Variants in PCDHA6 observed in about 807,000 individuals in gnomAD.
The protein encoded by PCDHA6 is protocadherin alpha-6.
PCDHA6 carries 55 observed loss-of-function variants against 60.3 expected under a neutral mutation model. The ratio of observed to expected loss-of-function variants is 0.91; its 90% CI spans 0.73 to 1.14. The LOEUF (loss-of-function observed/expected upper bound fraction) is 1.14, where lower values mean the gene tolerates loss of function less well. PCDHA6 is among the 50% of genes most tolerant of loss of function. The pLI, the probability that PCDHA6 is intolerant of heterozygous loss-of-function variation, is 0.00. For synonymous variants in PCDHA6, 652 were observed against 557.9 expected, an observed-to-expected ratio of 1.17 and a Z score of -2.38; for missense variants, 1,327 against 1,256.5, an observed-to-expected ratio of 1.06 and a Z score of -0.85.
At chr5:140,915,264 G>A (rs536821921) in intron 1 of PCDHA6, among the ~76,000 whole-genome samples, 9 of 151,876 alleles carry the variant, frequency 5.9e-5, no homozygotes, top group Non-Finnish European at 1.3e-4. Context: ...TATTATTTTT[G>A]ACCAGTTCAT....
chr5:140,852,911 C>G lies in PCDHA6; in HGVS notation c.2394+22426C>G, dbSNP rs2150524968. ...TTTTTTTTTTTGAGTCAGAGTCTCG[C>G]TCTGTTGCCCAGGCTGGAGTGCAGT... On this transcript the variant is annotated intron_variant, in intron 1 of 3. Transcript: ENST00000529310. The G allele has an allele frequency of 3.8e-6, 3 of 791,732 alleles. 1 individual carries two copies. The South Asian group carries it at 1.7e-4, about 44-fold the overall frequency. The allele number at this position is 791,732 out of a possible 1,614,324, so 49.0% of individuals were successfully genotyped here. A position where few individuals can be genotyped will look rare whatever the true frequency, so the allele number is the denominator to read the frequency against.
chr5:140,858,188 C>T, intron 1 of PCDHA6: 1 of 1,597,268 alleles, frequency 6.3e-7, no homozygotes, highest in Non-Finnish European at 8.6e-7. Context: ...GCTCACGCTG[C>T]TGCTGTACAC....
At chr5:140,968,920 A>G (rs781931367) in intron 1 of PCDHA6, 1 of 1,614,120 alleles carries the variant, frequency 6.2e-7, no homozygotes, top group Admixed American at 1.7e-5. Flanking sequence ...TGTCTTTTAT[A>G]TTTCTTTTGA....
At chr5:140,937,326 C>G (rs1287239556) in intron 1 of PCDHA6, among the ~76,000 whole-genome samples, 2 of 152,046 alleles carry the variant, frequency 1.3e-5, no homozygotes, top group Non-Finnish European at 2.9e-5. Flanking sequence ...CGTGAGCCAC[C>G]GCGCCCGGCT....
chr5:140,878,537 C>G (rs1554170454), intron 1 of PCDHA6, among the ~76,000 whole-genome samples: 2 of 152,152 alleles, frequency 1.3e-5, no homozygotes, highest in African/African-American at 4.8e-5. Flanking sequence ...GTGGCTCAAA[C>G]CAGTTTCAGA....
At chr5:140,898,930 G>A (rs2067050521) in intron 1 of PCDHA6, among the ~76,000 whole-genome samples, 1 of 152,054 alleles carries the variant, frequency 6.6e-6, no homozygotes, top group African/African-American at 2.4e-5. Context: ...GGATTCCTAA[G>A]TATTTTATTC....
intron 1 of PCDHA6, among the ~76,000 whole-genome samples, chr5:140,855,207 A>G (rs1554147686): frequency 6.7e-6 from 1 of 149,928 alleles, no homozygotes; most frequent in East Asian, 1.9e-4. Flanking sequence ...AATAGTTTCC[A>G]TTTATGAAGC....
intron 3 of PCDHA6, among the ~76,000 whole-genome samples, chr5:140,988,762 C>T (rs546274253): frequency 6.6e-6 from 1 of 152,308 alleles, no homozygotes; most frequent in South Asian, 2.1e-4. Context: ...GGGCAGAATA[C>T]AGTCATGGTT....
chr5:140,884,433 G>T, intron 1 of PCDHA6: 1 of 1,613,908 alleles, frequency 6.2e-7, no homozygotes, highest in Admixed American at 1.7e-5. Context: ...ACTGCGCTGC[G>T]GTGCTCGGCA....
At chr5:140,967,626 G>T in intron 1 of PCDHA6, 2 of 1,614,138 alleles carry the variant, frequency 1.2e-6, no homozygotes, top group Non-Finnish European at 1.7e-6. Flanking sequence ...CCGGATGAGG[G>T]CTCCAATGGT....
chr5:140,869,497 G>C, intron 1 of PCDHA6: 1 of 1,614,202 alleles, frequency 6.2e-7, no homozygotes, highest in South Asian at 1.1e-5. Context: ...CAACCCGCCG[G>C]TGTTCTCGCT....
chr5:140,982,264 TG>T, intron 2 of PCDHA6: 1 of 865,882 alleles, frequency 1.2e-6, no homozygotes, highest in Non-Finnish European at 1.7e-6. Flanking sequence ...TGTGTGTTCC[TG>T]GAATAGTATA....
intron 1 of PCDHA6, among the ~76,000 whole-genome samples, chr5:140,832,988 T>G (rs1772237826): frequency 6.6e-6 from 1 of 152,168 alleles, no homozygotes; most frequent in Admixed American, 6.6e-5. Context: ...AAATGAGGAA[T>G]AGTCCACTTT....
In PCDHA6 at chr5:140,851,114, A is replaced by C; in HGVS notation, c.2394+20629A>C. On this transcript the variant is annotated intron_variant, in intron 1 of 3. Transcript: ENST00000529310. ...TAGATATTTTTTGGGTGCTGAATCA[A>C]TTTTATTTAAATTTGTGATTAAAGT... 6 of 1,305,466 alleles carry C rather than the reference A, an allele frequency of 4.6e-6. 1 individual carries two copies. The highest frequency in any genetic ancestry group is 6.0e-6 in the Non-Finnish European group (6 of 1,007,386). 80.9% of individuals were successfully genotyped at this position (1,305,466 alleles called of 1,614,324 possible).
intron 1 of PCDHA6, chr5:140,862,594 A>G: frequency 2.0e-6 from 1 of 509,532 alleles, no homozygotes; most frequent in Non-Finnish European, 4.0e-6. Flanking sequence ...GCCCGAGTAC[A>G]TGGTGTTCGT....
chr5:141,004,933 AAAAT>A (rs1336216932), intron 3 of PCDHA6, among the ~76,000 whole-genome samples: 1 of 152,198 alleles, frequency 6.6e-6, no homozygotes, highest in Non-Finnish European at 1.5e-5. Flanking sequence ...AAGAGAGAAG[AAAAT>A]TTCTTACCCT....
At chr5:140,833,795 C>G (rs959887752) in intron 1 of PCDHA6, among the ~76,000 whole-genome samples, 2 of 152,096 alleles carry the variant, frequency 1.3e-5, no homozygotes, top group African/African-American at 4.8e-5. Context: ...TTTCATCAAT[C>G]AGTAGATTCT....
chr5:140,878,450 A>T (rs2057594535), intron 1 of PCDHA6, among the ~76,000 whole-genome samples: 1 of 152,224 alleles, frequency 6.6e-6, no homozygotes, highest in Non-Finnish European at 1.5e-5. Context: ...TCTTATTTAC[A>T]TGAAATATAA....
chr5:140,971,091 T>G (rs1355075556), intron 1 of PCDHA6, among the ~76,000 whole-genome samples: 1 of 152,180 alleles, frequency 6.6e-6, no homozygotes, highest in Non-Finnish European at 1.5e-5. Flanking sequence ...AACAAATTCT[T>G]GTGAAGCCCT....
Sources: gnomAD v4.1 joint callset for allele counts (sites outside exome capture counted in the v4.1 genomes callset) on GRCh38, gnomAD v4.1.1 for gene constraint, MANE v1.5 for transcripts, NCBI Gene and HGNC (gene_info 2026-07-23, HGNC 2026-07-21) for gene names.